FOXP2: variants seen among roughly 807,000 people sequenced by gnomAD.
The protein encoded by FOXP2 is forkhead box P2.
FOXP2 carries 12 observed loss-of-function variants against 115.8 expected under a neutral mutation model. The observed-to-expected ratio is 0.10, with a 90% CI of 0.07 to 0.17. The LOEUF (loss-of-function observed/expected upper bound fraction) is 0.17. Among genes scored for constraint, FOXP2 ranks in the 10% least tolerant of loss-of-function variants. The pLI is 1.00. For synonymous variants in FOXP2, 328 were observed against 297.7 expected, an observed-to-expected ratio of 1.10 and a Z score of -1.05; for missense variants, 629 against 843.5, an observed-to-expected ratio of 0.75 and a Z score of 3.15.
At chr7:114,394,636 A>G (rs1792695762) in intron 2 of FOXP2, among the ~76,000 whole-genome samples, 2 of 152,232 alleles carry the variant, frequency 1.3e-5, no homozygotes, top group South Asian at 4.1e-4. Flanking sequence ...ACTTGATAGA[A>G]TATAATGAGA....
chr7:114,515,897 A>G (rs996250333), intron 2 of FOXP2, among the ~76,000 whole-genome samples: 4 of 152,166 alleles, frequency 2.6e-5, no homozygotes, highest in East Asian at 1.9e-4. Context: ...CCACTGCTCA[A>G]TGAAATAAAA....
intron 2 of FOXP2, among the ~76,000 whole-genome samples, chr7:114,456,456 A>G (rs1055471649): frequency 6.6e-6 from 1 of 152,150 alleles, no homozygotes; most frequent in Non-Finnish European, 1.5e-5. Flanking sequence ...AACTTTTTCA[A>G]CTGTAGTTTT....
chr7:114,571,293 C>G (rs1801288421), intron 3 of FOXP2, among the ~76,000 whole-genome samples: 1 of 151,694 alleles, frequency 6.6e-6, no homozygotes, highest in African/African-American at 2.4e-5. Context: ...ATAAATATAC[C>G]AAGGCCTTTT....
intron 2 of FOXP2, among the ~76,000 whole-genome samples, chr7:114,401,157 A>G (rs1200764647): frequency 6.6e-6 from 1 of 152,128 alleles, no homozygotes; most frequent in Non-Finnish European, 1.5e-5. Flanking sequence ...ACGGTTTTAC[A>G]AGGGCTTGCA....
intron 16 of FOXP2, among the ~76,000 whole-genome samples, chr7:114,675,329 CT>C (rs1040621036): frequency 1.4e-4 from 21 of 151,742 alleles, no homozygotes; most frequent in African/African-American, 4.8e-4. Context: ...AAAAAAAATA[CT>C]TTTTTTGTAT....
rs770486674 is a variant in FOXP2, at chr7:114,426,577, T to G, written c.66T>G (p.Thr22=). ...NSSMNQNGMS[T]LSSQLDAGSR... is the part of the protein sequence containing the mutation. ...CAATGAATCAAAATGGAATGAGCAC[T>G]CTAAGCAGCCAATTAGATGCTGGCA... The change falls in exon 2 of 17, where the codon ACT becomes ACG. Residue 22 remains threonine, a synonymous_variant. Transcript: ENST00000350908. The G allele has an allele frequency of 5.6e-6, 9 of 1,611,582 alleles. No homozygotes were observed. The highest frequency in any genetic ancestry group is 7.6e-6 in the Non-Finnish European group (9 of 1,178,456).
intron 2 of FOXP2, among the ~76,000 whole-genome samples, chr7:114,431,640 A>G (rs1794118415): frequency 6.6e-6 from 1 of 151,788 alleles, no homozygotes; most frequent in South Asian, 2.1e-4. Context: ...CATTTATTGT[A>G]ATTTGTATTT....
chr7:114,661,653 G>A, intron 13 of FOXP2: 1 of 237,544 alleles, frequency 4.2e-6, no homozygotes. Context: ...ACTTGTCACT[G>A]TAGCCTTTTT....
intron 2 of FOXP2, among the ~76,000 whole-genome samples, chr7:114,333,528 C>G (rs555419168): frequency 6.6e-5 from 10 of 152,260 alleles, no homozygotes; most frequent in Admixed American, 5.2e-4. Context: ...CGAGGCGGGC[C>G]GATCATTTGA....
chr7:114,322,478 C>T (rs749517404), intron 2 of FOXP2, among the ~76,000 whole-genome samples: 15 of 152,088 alleles, frequency 9.9e-5, no homozygotes, highest in South Asian at 2.1e-4. Context: ...CTCTACAAAA[C>T]ATTAATATAA....
chr7:114,191,255 A>C (rs1793753656), intron 1 of FOXP2, among the ~76,000 whole-genome samples: 1 of 152,100 alleles, frequency 6.6e-6, no homozygotes. Flanking sequence ...TCTGATTTTA[A>C]CTGGAAGTTC....
At chr7:114,663,733 C>T (rs1223719398) in intron 15 of FOXP2, among the ~76,000 whole-genome samples, 2 of 152,054 alleles carry the variant, frequency 1.3e-5, no homozygotes, top group African/African-American at 4.8e-5. Flanking sequence ...AAATCTGGAA[C>T]ATTCGGTTTT....
chr7:114,253,691 C>T (rs1795516783), intron 1 of FOXP2, among the ~76,000 whole-genome samples: 1 of 152,150 alleles, frequency 6.6e-6, no homozygotes, highest in East Asian at 1.9e-4. Context: ...TGTGTCTCTG[C>T]ATGTGAGATG....
intron 6 of FOXP2, among the ~76,000 whole-genome samples, chr7:114,635,365 T>C (rs1805162789): frequency 6.6e-6 from 1 of 152,172 alleles, no homozygotes; most frequent in Admixed American, 6.5e-5. Flanking sequence ...GAACAATCCA[T>C]GTCATGCAAA....
intron 2 of FOXP2, chr7:114,297,090 G>A: frequency 2.4e-6 from 1 of 422,118 alleles, no homozygotes; most frequent in Admixed American, 3.1e-5. Context: ...CTTTATTTCA[G>A]GGAGAGGGCA....
At chr7:114,383,479 G>A (rs1007138750) in intron 2 of FOXP2, among the ~76,000 whole-genome samples, 1 of 152,066 alleles carries the variant, frequency 6.6e-6, no homozygotes, top group Non-Finnish European at 1.5e-5. Context: ...AGACTCTGAG[G>A]GCTTCCTGTA....
chr7:114,139,882 G>A (rs1054683032), intron 1 of FOXP2, among the ~76,000 whole-genome samples: 5 of 152,102 alleles, frequency 3.3e-5, no homozygotes, highest in Non-Finnish European at 5.9e-5. Flanking sequence ...GGAGGTTGAG[G>A]TGGGCGGATT....
intron 2 of FOXP2, among the ~76,000 whole-genome samples, chr7:114,481,618 ACT>A (rs1796539861): frequency 6.6e-6 from 1 of 151,234 alleles, no homozygotes; most frequent in Admixed American, 6.6e-5. Context: ...TTCTCTACTG[ACT>A]CTCTGCACTT....
chr7:114,367,381 C>T (rs1319712972), intron 2 of FOXP2, among the ~76,000 whole-genome samples: 1 of 152,118 alleles, frequency 6.6e-6, no homozygotes, highest in Non-Finnish European at 1.5e-5. Flanking sequence ...TTTGAGACTT[C>T]CAAAAAGCCC....
Sources: gnomAD v4.1 joint callset for allele counts (sites outside exome capture counted in the v4.1 genomes callset) on GRCh38, gnomAD v4.1.1 for gene constraint, MANE v1.5 for transcripts, NCBI Gene and HGNC (gene_info 2026-07-23, HGNC 2026-07-21) for gene names.